C6orf141: variants seen among roughly 807,000 people sequenced by gnomAD.
C6orf141 encodes the protein uncharacterized protein C6orf141.
For missense variants in C6orf141, 361 were observed against 335.8 expected (o/e 1.07, Z -0.59); for synonymous variants, 164 against 140.5 (o/e 1.17, Z -1.18).
intron 4 of C6orf141, among the ~76,000 whole-genome samples, chr6:49,558,057 A>ATGTTTTTTTTTTTTTTTTTTTTT (rs1772338411): frequency 3.5e-5 from 3 of 86,384 alleles, no homozygotes; most frequent in African/African-American, 1.3e-4. Context: ...ACACTCAAAT[A>ATGTTTTTTTTTTTTTTTTTTTTT]TGTTTTTTTT....
downstream of C6orf141, chr6:49,552,541 G>GAAT (rs1267784212): frequency 6.6e-6 from 1 of 152,256 alleles, no homozygotes; most frequent in Non-Finnish European, 1.5e-5. Context: ...CCACCTGAAG[G>GAAT]AGTATTTACT....
At position 49,550,938 on chromosome 6, in the gene C6orf141, C is replaced by T; in HGVS notation, c.146C>T (p.Pro49Leu). 1 of 1,544,490 alleles carries T rather than the reference C, an allele frequency of 6.5e-7. No homozygotes were observed. The highest frequency in any genetic ancestry group is 2.1e-5 in the Admixed American group (1 of 48,446). ...GAPLAPGARNPATAGASRSQG... is the reference protein window; with the variant it reads ...GAPLAPGARNLATAGASRSQG... ...CCGCTAGCTCCGGGCGCCCGGAATC[C>T]CGCGACGGCAGGGGCGAGCCGAAGC... Residue 49 changes from proline to leucine, a missense_variant, in exon 1 of 1, where the codon CCC (proline) becomes CTC (leucine). Transcript: ENST00000529246.
Sources: allele counts gnomAD v4.1 joint callset (sites outside exome capture counted in the v4.1 genomes callset), GRCh38; gene constraint gnomAD v4.1.1; transcripts MANE v1.5; gene names NCBI Gene and HGNC (gene_info 2026-07-23, HGNC 2026-07-21).